Variants in FARS2 observed in about 807,000 individuals in gnomAD.
FARS2 encodes the protein phenylalanyl-tRNA synthetase 2, mitochondrial, also known as phenylalanine--tRNA ligase, mitochondrial.
A neutral mutation model predicts 46.4 loss-of-function variants in FARS2; 40 were observed. That is an observed-to-expected ratio of 0.86 (90% CI 0.67 to 1.12). The LOEUF (loss-of-function observed/expected upper bound fraction) is 1.12, where lower values mean the gene tolerates loss of function less well. Among genes scored for constraint, FARS2 ranks in the 50% most tolerant of loss-of-function variants. The pLI is 0.00. For missense variants in FARS2, 513 were observed against 567.9 expected (o/e 0.90, Z 0.98); for synonymous variants, 234 against 214.9 (o/e 1.09, Z -0.78).
chr6:5,273,267 C>T (rs1274644358), intron 1 of FARS2, among the ~76,000 whole-genome samples: 1 of 152,196 alleles, frequency 6.6e-6, no homozygotes, highest in Admixed American at 6.5e-5. Flanking sequence ...ATTGGCTATA[C>T]TAACTTATAT....
chr6:5,688,907 A>G (rs960375695), intron 6 of FARS2, among the ~76,000 whole-genome samples: 3 of 152,056 alleles, frequency 2.0e-5, no homozygotes, highest in Admixed American at 1.3e-4. Context: ...CAGAGATTCA[A>G]CTTCTTCCTG....
At chr6:5,552,512 C>T (rs1034308595) in intron 5 of FARS2, among the ~76,000 whole-genome samples, 2 of 152,216 alleles carry the variant, frequency 1.3e-5, no homozygotes, top group South Asian at 4.1e-4. Flanking sequence ...CACATCCTGT[C>T]CTGTACATTT....
chr6:5,520,053 A>G (rs1769035640), intron 4 of FARS2, among the ~76,000 whole-genome samples: 1 of 152,166 alleles, frequency 6.6e-6, no homozygotes, highest in African/African-American at 2.4e-5. Flanking sequence ...CTGTGCTCTT[A>G]GCACTTTTTC....
chr6:5,523,065 G>A lies in FARS2; in HGVS notation c.905-22115G>A, dbSNP rs540615234. On this transcript the variant is annotated intron_variant, in intron 4 of 6. Coordinates refer to ENST00000274680, the MANE Select transcript of FARS2 (RefSeq NM_006567.5). ...TTGCATTCAATGAGCTGGACTCAGC[G>A]GAAGTAAACTTCTAGAATAGTTTTA... 2.4e-4 allele frequency among the ~76,000 whole-genome samples: 36 copies of A among 152,280 alleles called. No homozygotes were observed. In the South Asian group the frequency reaches 4.6e-3, roughly 19 times the overall value.
rs77399492 is a variant in FARS2, at chr6:5,404,173, G to C, written c.613-369G>C. ...TGGACCTTACAGGATTTAATTCCTC[G>C]ACACTGTGGGATGGTCAGGGATGTA... On this transcript the variant is annotated intron_variant, in intron 2 of 6. Coordinates refer to ENST00000274680, the MANE Select transcript of FARS2 (RefSeq NM_006567.5). Among the ~76,000 whole-genome samples the C allele has an allele frequency of 5.9e-3, 903 of 152,234 alleles. 33 individuals are homozygous for C. The East Asian group carries it at 0.11, about 18-fold the overall frequency.
intron 2 of FARS2, among the ~76,000 whole-genome samples, chr6:5,378,509 A>G (rs1759535443): frequency 6.6e-6 from 1 of 152,038 alleles, no homozygotes; most frequent in Non-Finnish European, 1.5e-5. Flanking sequence ...TCTCTTTCCA[A>G]GCTTCCCCGC....
At chr6:5,408,457 AT>A (rs1761743155) in intron 3 of FARS2, among the ~76,000 whole-genome samples, 1 of 152,214 alleles carries the variant, frequency 6.6e-6, no homozygotes, top group African/African-American at 2.4e-5. Flanking sequence ...GGGAAGAAAA[AT>A]GATTGACAGT....
intron 6 of FARS2, among the ~76,000 whole-genome samples, chr6:5,711,110 A>G (rs149288007): frequency 6.6e-6 from 1 of 152,322 alleles, no homozygotes; most frequent in African/African-American, 2.4e-5. Context: ...AAAGTGCTCC[A>G]AAAAGGCCAC....
intron 2 of FARS2, among the ~76,000 whole-genome samples, chr6:5,395,548 G>A (rs1175352749): frequency 1.3e-5 from 2 of 152,068 alleles, no homozygotes; most frequent in Admixed American, 1.3e-4. Flanking sequence ...TTTTGACCAA[G>A]AACACCTCAT....
chr6:5,465,634 T>G (rs888556962), intron 4 of FARS2, among the ~76,000 whole-genome samples: 6 of 152,190 alleles, frequency 3.9e-5, no homozygotes, highest in African/African-American at 9.6e-5. Context: ...AGTGTTACCT[T>G]CTATAGCCAT....
intron 6 of FARS2, among the ~76,000 whole-genome samples, chr6:5,698,922 A>C (rs1380186726): frequency 6.6e-6 from 1 of 152,182 alleles, no homozygotes; most frequent in Non-Finnish European, 1.5e-5. Context: ...GCTGGGCTGC[A>C]GGGAACCAAG....
At chr6:5,651,911 C>G (rs970991088) in intron 6 of FARS2, among the ~76,000 whole-genome samples, 2 of 152,106 alleles carry the variant, frequency 1.3e-5, no homozygotes, top group East Asian at 1.9e-4. Context: ...CGCCTCACCC[C>G]CTTGACAACA....
chr6:5,412,172 T>C (rs977453680), intron 3 of FARS2, among the ~76,000 whole-genome samples: 2 of 152,188 alleles, frequency 1.3e-5, no homozygotes, highest in African/African-American at 4.8e-5. Context: ...GGGTCCAGGC[T>C]GATGGGATTG....
chr6:5,357,096 T>A (rs2081201710), intron 1 of FARS2, among the ~76,000 whole-genome samples: 2 of 152,190 alleles, frequency 1.3e-5, no homozygotes, highest in South Asian at 4.1e-4. Context: ...AACAGCCTAC[T>A]CTGAATTATA....
intron 4 of FARS2, among the ~76,000 whole-genome samples, chr6:5,526,325 A>C (rs1308162859): frequency 1.3e-5 from 2 of 152,258 alleles, no homozygotes; most frequent in African/African-American, 4.8e-5. Flanking sequence ...AAATCTTAAA[A>C]GGCTCAATGA....
chr6:5,715,971 C>G (rs1259530958), intron 6 of FARS2, among the ~76,000 whole-genome samples: 3 of 152,162 alleles, frequency 2.0e-5, no homozygotes, highest in African/African-American at 7.2e-5. Flanking sequence ...CTCACCAACA[C>G]TTGTTATTAT....
At chr6:5,258,214 T>C (rs556557637), upstream of FARS2, among the ~76,000 whole-genome samples, 1 of 152,332 alleles carries the variant, frequency 6.6e-6, no homozygotes, top group South Asian at 2.1e-4. Context: ...TATCAAAACG[T>C]GGCCTATATT....
chr6:5,344,758 C>T (rs927126576), intron 1 of FARS2, among the ~76,000 whole-genome samples: 1 of 151,822 alleles, frequency 6.6e-6, no homozygotes, highest in African/African-American at 2.4e-5. Context: ...CACTATGTAA[C>T]CACAGTGCCT....
At chr6:5,404,741 A>G in intron 3 of FARS2, 40 bp downstream of exon 3, 6 of 1,406,498 alleles carry the variant, frequency 4.3e-6, no homozygotes, top group Non-Finnish European at 5.8e-6. Context: ...CTTATCTGAA[A>G]TACTTGGGAC....
Sources: allele counts gnomAD v4.1 joint callset (sites outside exome capture counted in the v4.1 genomes callset), GRCh38; gene constraint gnomAD v4.1.1; transcripts MANE v1.5; gene names NCBI Gene and HGNC (gene_info 2026-07-23, HGNC 2026-07-21).